MAD1L1: variants seen among roughly 807,000 people sequenced by gnomAD.
MAD1L1 encodes the protein mitotic arrest deficient 1 like 1, also known as mitotic spindle assembly checkpoint protein MAD1.
A neutral mutation model predicts 96.9 loss-of-function variants in MAD1L1; 95 were observed. That is an observed-to-expected ratio of 0.98 (90% CI 0.83 to 1.16). The LOEUF is 1.16. Among genes scored for constraint, MAD1L1 ranks in the 50% most tolerant of loss-of-function variants. The pLI is 0.00. For missense variants in MAD1L1, 1,007 were observed against 954.4 expected, an observed-to-expected ratio of 1.06 and a Z score of -0.73; for synonymous variants, 473 against 396.6, an observed-to-expected ratio of 1.19 and a Z score of -2.29.
At chr7:2,177,560 A>T (rs1193442075) in intron 10 of MAD1L1, among the ~76,000 whole-genome samples, 1 of 152,154 alleles carries the variant, frequency 6.6e-6, no homozygotes, top group Non-Finnish European at 1.5e-5. Context: ...ATTTTGTCTA[A>T]TTTTTTAATC....
intron 15 of MAD1L1, among the ~76,000 whole-genome samples, chr7:1,977,491 C>T (rs890029746): frequency 5.9e-5 from 9 of 152,336 alleles, no homozygotes; most frequent in South Asian, 2.1e-4. Flanking sequence ...TTCCTGCCTG[C>T]GCCTCTCCCT....
intron 10 of MAD1L1, among the ~76,000 whole-genome samples, chr7:2,151,457 G>T (rs1164137291): frequency 4.6e-5 from 7 of 152,212 alleles, no homozygotes; most frequent in African/African-American, 1.7e-4. Context: ...CATTTGGCAG[G>T]CAGTACCAGG....
intron 12 of MAD1L1, among the ~76,000 whole-genome samples, chr7:2,067,842 G>A (rs553517948): frequency 1.1e-4 from 17 of 152,086 alleles, no homozygotes; most frequent in Admixed American, 2.0e-4. Context: ...CCACCACGGC[G>A]TCCACCTCTG....
intron 18 of MAD1L1, among the ~76,000 whole-genome samples, chr7:1,828,952 G>T (rs1470040769): frequency 6.6e-6 from 1 of 152,220 alleles, no homozygotes; most frequent in Non-Finnish European, 1.5e-5. Context: ...ATCCATGCCA[G>T]ATCAGACATG....
intron 18 of MAD1L1, among the ~76,000 whole-genome samples, chr7:1,865,852 G>A (rs549601608): frequency 6.6e-6 from 1 of 152,352 alleles, no homozygotes; most frequent in Admixed American, 6.5e-5. Context: ...TGCACCGCCT[G>A]GGGGCTTCGG....
intron 18 of MAD1L1, among the ~76,000 whole-genome samples, chr7:1,883,433 A>G (rs79367564): frequency 6.6e-6 from 1 of 152,184 alleles, no homozygotes; most frequent in East Asian, 1.9e-4. Flanking sequence ...GCCTGGGGCC[A>G]TGAGTCATGG....
At chr7:2,089,081 TCA>T (rs1786076054) in intron 11 of MAD1L1, 1 of 152,226 alleles carries the variant, frequency 6.6e-6, no homozygotes. Flanking sequence ...GGAGAGCGGC[TCA>T]CACGGCCGAC....
At chr7:1,862,880 C>T (rs890337899) in intron 18 of MAD1L1, among the ~76,000 whole-genome samples, 1 of 152,248 alleles carries the variant, frequency 6.6e-6, no homozygotes, top group Non-Finnish European at 1.5e-5. Context: ...TCTGGGCCCA[C>T]AGCTACTTGC....
chr7:1,949,680 C>T lies in MAD1L1; in HGVS notation c.1596+7949G>A, dbSNP rs115261886. On this transcript the variant is annotated intron_variant, in intron 16 of 18. Coordinates refer to ENST00000265854, the MANE Select transcript of MAD1L1 (RefSeq NM_001013836.2). Reference sequence around the variant, plus strand: ...GCTTCCCTTCTCCTCTAAAAAGCTGCTCTCATCCGTTTCTCTGCAGATACG... The same window carrying T: ...GCTTCCCTTCTCCTCTAAAAAGCTGTTCTCATCCGTTTCTCTGCAGATACG... 4.0e-3 allele frequency among the ~76,000 whole-genome samples: 611 copies of T among 152,376 alleles called. 5 individuals are homozygous for T. The highest frequency in any genetic ancestry group is 0.013 in the African/African-American group (560 of 41,602).
intron 11 of MAD1L1, among the ~76,000 whole-genome samples, chr7:2,087,082 C>A: frequency 6.6e-6 from 1 of 152,160 alleles, no homozygotes; most frequent in Non-Finnish European, 1.5e-5. Flanking sequence ...AAAAACGTAC[C>A]CACATGGCTG....
intron 13 of MAD1L1, among the ~76,000 whole-genome samples, chr7:2,003,533 C>T (rs981704282): frequency 5.4e-5 from 8 of 148,022 alleles, no homozygotes; most frequent in South Asian, 2.1e-4. Context: ...TGGTTCTGGA[C>T]GCCACAGCAG....
intron 10 of MAD1L1, among the ~76,000 whole-genome samples, chr7:2,165,966 T>A (rs1222390485): frequency 6.6e-6 from 1 of 152,214 alleles, no homozygotes; most frequent in Non-Finnish European, 1.5e-5. Flanking sequence ...CCACATGCTC[T>A]GCGAAAGAGG....
At chr7:1,832,281 G>A (rs1782736895) in intron 18 of MAD1L1, among the ~76,000 whole-genome samples, 1 of 152,086 alleles carries the variant, frequency 6.6e-6, no homozygotes, top group Non-Finnish European at 1.5e-5. Flanking sequence ...AATAGCAAGA[G>A]AATTAGAATT....
intron 12 of MAD1L1, among the ~76,000 whole-genome samples, chr7:2,032,885 G>A (rs1173700357): frequency 6.6e-6 from 1 of 152,232 alleles, no homozygotes; most frequent in Non-Finnish European, 1.5e-5. Flanking sequence ...CACCAGGAAG[G>A]AAGACCCACT....
intron 17 of MAD1L1, among the ~76,000 whole-genome samples, chr7:1,922,862 G>A (rs149639026): frequency 1.3e-5 from 2 of 152,352 alleles, no homozygotes; most frequent in African/African-American, 4.8e-5. Context: ...TTGTGCATCC[G>A]TTGGTTTGGC....
At chr7:1,881,381 TTAA>T (rs1222032958) in intron 18 of MAD1L1, among the ~76,000 whole-genome samples, 7 of 152,162 alleles carry the variant, frequency 4.6e-5, no homozygotes, top group South Asian at 2.1e-4. Context: ...CATAAATGGG[TTAA>T]TAATTTATCC....
chr7:1,912,763 C>A (rs776223509), intron 17 of MAD1L1, among the ~76,000 whole-genome samples: 11 of 152,214 alleles, frequency 7.2e-5, no homozygotes, highest in Admixed American at 1.3e-4. Context: ...TGCCCCACAG[C>A]GATATCACAG....
intron 18 of MAD1L1, among the ~76,000 whole-genome samples, chr7:1,827,104 G>A (rs1459058853): frequency 7.4e-4 from 113 of 152,322 alleles, no homozygotes; most frequent in South Asian, 1.2e-3. Context: ...GGCGGCCTGC[G>A]CAGCCCCTGC....
intron 11 of MAD1L1, among the ~76,000 whole-genome samples, chr7:2,128,749 A>G (rs1271551095): frequency 6.6e-6 from 1 of 152,170 alleles, no homozygotes; most frequent in Non-Finnish European, 1.5e-5. Flanking sequence ...CCCTGGGGAC[A>G]GGACAGGTGG....
Sources: gnomAD v4.1 joint callset for allele counts (sites outside exome capture counted in the v4.1 genomes callset) on GRCh38, gnomAD v4.1.1 for gene constraint, MANE v1.5 for transcripts, NCBI Gene and HGNC (gene_info 2026-07-23, HGNC 2026-07-21) for gene names.